Variants in AGBL4 observed in about 807,000 individuals in gnomAD.
The protein encoded by AGBL4 is cytosolic carboxypeptidase 6.
AGBL4 carries 58 observed loss-of-function variants against 66.4 expected under a neutral mutation model. That is an observed-to-expected ratio of 0.87 (90% CI 0.71 to 1.09). The LOEUF is 1.09. AGBL4 is among the 50% of genes least tolerant of loss of function. AGBL4 has a pLI of 0.00. For synonymous variants in AGBL4, 234 were observed against 222.9 expected (o/e 1.05, Z -0.44); for missense variants, 579 against 631.0 (o/e 0.92, Z 0.88).
intron 3 of AGBL4, among the ~76,000 whole-genome samples, chr1:49,530,274 A>AAAAAAAAAAAAAAAAAAAAAC (rs1553221141): frequency 7.4e-6 from 1 of 134,824 alleles, no homozygotes; most frequent in African/African-American, 3.2e-5. Flanking sequence ...AAAAAAAAAC[A>AAAAAAAAAAAAAAAAAAAAAC]AAAAAAAACT....
intron 3 of AGBL4, among the ~76,000 whole-genome samples, chr1:49,549,094 A>G (rs997180155): frequency 6.6e-6 from 1 of 151,802 alleles, no homozygotes; most frequent in African/African-American, 2.4e-5. Flanking sequence ...TTATATTCAC[A>G]GTAGCCTTGA....
At chr1:49,457,070 C>T (rs920561838) in intron 3 of AGBL4, among the ~76,000 whole-genome samples, 2 of 151,634 alleles carry the variant, frequency 1.3e-5, no homozygotes, top group Non-Finnish European at 3.0e-5. Context: ...TATGACTTCT[C>T]TTCCTCTGGG....
chr1:49,028,351 A>G (rs1203901306), intron 5 of AGBL4, among the ~76,000 whole-genome samples: 1 of 152,192 alleles, frequency 6.6e-6, no homozygotes, highest in Non-Finnish European at 1.5e-5. Flanking sequence ...AAACAGAACA[A>G]TCAGCTAGCG....
rs182673801 is a variant in AGBL4, at chr1:48,569,797, C to T, written c.1267+17207G>A. Among the ~76,000 whole-genome samples, 13 of 152,292 alleles carry T rather than the reference C, an allele frequency of 8.5e-5. No individual in the cohort carries two copies. In the East Asian group the frequency reaches 9.6e-4, roughly 11 times the overall value. On this transcript the variant is annotated intron_variant, in intron 11 of 13. Transcript: ENST00000371839. Reference sequence around the variant, plus strand: ...AATTACCTTGAGCATCAATCTGCCCCGCAACCCTCCGCCATCACCAAATGG... The same window carrying T: ...AATTACCTTGAGCATCAATCTGCCCTGCAACCCTCCGCCATCACCAAATGG...
chr1:49,715,346 T>G lies in AGBL4; in HGVS notation c.158-17909A>C, dbSNP rs142107978. 9.4e-3 allele frequency among the ~76,000 whole-genome samples: 1,436 copies of G among 152,306 alleles called. 48 individuals are homozygous for G. Among genetic ancestry groups the G allele is most frequent in the Admixed American group, 0.07 (1,065 of 15,286 alleles). On this transcript the variant is annotated intron_variant, in intron 2 of 13. Transcript: ENST00000371839. ...TTCTATGGTGTATATATGCCACATT[T>G]TCTTTATCCAGTCTATCATTGATGG...
chr1:48,868,095 C>A (rs1648287811), intron 5 of AGBL4, among the ~76,000 whole-genome samples: 1 of 152,198 alleles, frequency 6.6e-6, no homozygotes, highest in African/African-American at 2.4e-5. Context: ...TCCTGCTGAC[C>A]TCTTTCTCTT....
At chr1:48,869,067 T>C (rs1002118883) in intron 5 of AGBL4, among the ~76,000 whole-genome samples, 2 of 152,214 alleles carry the variant, frequency 1.3e-5, no homozygotes, top group Non-Finnish European at 2.9e-5. Context: ...TCAAAATCTC[T>C]GTAAGATTTC....
intron 5 of AGBL4, among the ~76,000 whole-genome samples, chr1:48,952,570 G>T (rs942486782): frequency 1.3e-5 from 2 of 152,172 alleles, no homozygotes; most frequent in Non-Finnish European, 2.9e-5. Flanking sequence ...TCATATTCTC[G>T]CAAACACACA....
At chr1:49,141,078 C>T (rs2148094317) in intron 4 of AGBL4, among the ~76,000 whole-genome samples, 1 of 152,212 alleles carries the variant, frequency 6.6e-6, no homozygotes, top group South Asian at 2.1e-4. Flanking sequence ...TGAGCAGGAA[C>T]ATTAATTGGT....
intron 9 of AGBL4, among the ~76,000 whole-genome samples, chr1:48,599,241 C>T (rs2148361004): frequency 6.6e-6 from 1 of 152,298 alleles, no homozygotes; most frequent in African/African-American, 2.4e-5. Context: ...AGTAGAAGTA[C>T]ACTCTAAAAT....
chr1:48,712,839 C>T lies in AGBL4; in HGVS notation c.635-49598G>A, dbSNP rs146561719. 5.2e-3 allele frequency among the ~76,000 whole-genome samples: 789 copies of T among 152,274 alleles called. 8 individuals carry two copies. The highest frequency in any genetic ancestry group is 6.9e-3 in the Non-Finnish European group (471 of 68,028). On this transcript the variant is annotated intron_variant, in intron 6 of 13. Coordinates refer to ENST00000371839, the MANE Select transcript of AGBL4 (RefSeq NM_032785.4). ...CTCAATCCAATTACATAGTTGTGGC[C>T]CCCGTGAATGGGGTTAAAACAGGAG...
intron 3 of AGBL4, among the ~76,000 whole-genome samples, chr1:49,376,505 C>T (rs995741940): frequency 6.6e-6 from 1 of 152,056 alleles, no homozygotes; most frequent in Non-Finnish European, 1.5e-5. Context: ...GAGCTTCCTC[C>T]CCTTATCCCT....
In AGBL4 at chr1:49,860,930, C is replaced by G. The variant is rs549459205; in HGVS notation, c.35-9412G>C. ...AGATCACAAAAACAGTCCTGAATCA[C>G]CAATGCGACCCCTCCCCAACCCAGG... On this transcript the variant is annotated intron_variant, in intron 1 of 13. Coordinates refer to ENST00000371839, the MANE Select transcript of AGBL4 (RefSeq NM_032785.4). Among the ~76,000 whole-genome samples the G allele has an allele frequency of 3.3e-5, 5 of 152,232 alleles. No homozygotes were observed. In the South Asian group the frequency reaches 1.0e-3, roughly 32 times the overall value.
intron 6 of AGBL4, among the ~76,000 whole-genome samples, chr1:48,759,547 C>G (rs569270988): frequency 2.6e-4 from 40 of 152,310 alleles, no homozygotes; most frequent in Non-Finnish European, 4.4e-4. Flanking sequence ...TGCACTTTTT[C>G]CTTTTCACCA....
intron 1 of AGBL4, among the ~76,000 whole-genome samples, chr1:49,921,434 T>A (rs1400666208): frequency 6.6e-6 from 1 of 152,058 alleles, no homozygotes; most frequent in Non-Finnish European, 1.5e-5. Flanking sequence ...AGTATTAGGG[T>A]TCTCCAGAAG....
rs545279284 is a variant in AGBL4, at chr1:49,546,368, T to TTA, written c.282+150943_282+150944dup. Among the ~76,000 whole-genome samples, 16 of 151,400 alleles carry TTA rather than the reference T, an allele frequency of 1.1e-4. No homozygotes were observed. In the East Asian group the frequency reaches 3.1e-3, roughly 29 times the overall value. ...ATATATGTATATATATATTCCATCA[T>TTA]TATATATATACATATATACCACAGT... On this transcript the variant is annotated intron_variant, in intron 3 of 13. Transcript: ENST00000371839.
intron 3 of AGBL4, among the ~76,000 whole-genome samples, chr1:49,662,526 G>A (rs4408195): frequency 0.52 from 79,672 of 151,822 alleles, 22,222 homozygotes; most frequent in Non-Finnish European, 0.62. Flanking sequence ...GAAATGGTAA[G>A]TGATGGCCAA....
intron 3 of AGBL4, among the ~76,000 whole-genome samples, chr1:49,411,527 C>G (rs1645314781): frequency 6.6e-6 from 1 of 152,024 alleles, no homozygotes; most frequent in South Asian, 2.1e-4. Flanking sequence ...TTAAACATCA[C>G]AGAAAGTTAA....
In AGBL4 at chr1:49,544,644, A is replaced by G. The variant is rs565147067; in HGVS notation, c.282+152669T>C. ...AAGGTACTTTTTATGTGCGCAGCAT[A>G]ATCATTTTATGTGTATTTCCCCATT... On this transcript the variant is annotated intron_variant, in intron 3 of 13. Transcript: ENST00000371839. Among the ~76,000 whole-genome samples, 4 of 152,342 alleles carry G rather than the reference A, an allele frequency of 2.6e-5. No homozygotes were observed. In the South Asian group the frequency reaches 6.2e-4, roughly 24 times the overall value.
Sources: allele counts gnomAD v4.1 joint callset (sites outside exome capture counted in the v4.1 genomes callset), GRCh38; gene constraint gnomAD v4.1.1; transcripts MANE v1.5; gene names NCBI Gene and HGNC (gene_info 2026-07-23, HGNC 2026-07-21).